The following SCUBE2 variants were observed in gnomAD, a reference collection of about 807,000 sequenced individuals.
SCUBE2 encodes the protein signal peptide, CUB domain and EGF like domain containing 2.
SCUBE2 carries 114 observed loss-of-function variants against 125.9 expected under a neutral mutation model. The observed-to-expected ratio is 0.91, with a 90% CI of 0.78 to 1.06. The LOEUF (loss-of-function observed/expected upper bound fraction) is 1.06, where lower values mean the gene tolerates loss of function less well. SCUBE2 is among the 50% of genes least tolerant of loss of function. The probability of loss-of-function intolerance (pLI) is 0.00; values close to 1 mark genes in which losing one functional copy is unlikely to be tolerated. For missense variants in SCUBE2, 1,255 were observed against 1,301.8 expected, an observed-to-expected ratio of 0.96 and a Z score of 0.55; for synonymous variants, 459 against 492.9, an observed-to-expected ratio of 0.93 and a Z score of 0.91.
intron 12 of SCUBE2, 96 bp downstream of exon 12, chr11:9,053,003 A>T: frequency 8.6e-7 from 1 of 1,156,680 alleles, no homozygotes; most frequent in Non-Finnish European, 1.3e-6. Context: ...CATCTGGCGG[A>T]GGACCTGGAA....
At chr11:9,074,338 C>G in intron 4 of SCUBE2, 143 bp downstream of exon 4, 3 of 981,396 alleles carry the variant, frequency 3.1e-6, no homozygotes, top group South Asian at 3.8e-5. Context: ...CACGGTTACC[C>G]GGCAGTGGAG....
chr11:9,022,437 T>G (rs1347644327), intron 21 of SCUBE2: 1 of 155,986 alleles, frequency 6.4e-6, no homozygotes, highest in Non-Finnish European at 1.4e-5. Context: ...GCAAAAATCC[T>G]TAAAAAAATT....
rs866522137 is a variant in SCUBE2 at position 9,033,529 on chromosome 11, G to A, written c.2173+97C>T. 87 of 1,404,890 alleles carry A rather than the reference G, an allele frequency of 6.2e-5. No homozygotes were observed. The Middle Eastern group carries it at 1.8e-3, about 29-fold the overall frequency. 87.0% of individuals were successfully genotyped at this position (1,404,890 alleles called of 1,614,324 possible). On this transcript the variant is annotated intron_variant, in intron 17 of 22. Coordinates refer to ENST00000649792, the MANE Select transcript of SCUBE2 (RefSeq NM_001367977.2). ...GTGGTCCCTGCTTGTAGGAAGCCCC[G>A]GGTGAGTGTGCATTGTCTGGAGTCC...
At position 9,091,414 on chromosome 11, in the gene SCUBE2, C is replaced by CACGGCCCCGACCCGGCGGG; in HGVS notation, c.96_114dup (p.Ala39ProfsTer16). On this transcript the variant is annotated frameshift_variant, in exon 1 of 23. Transcript: ENST00000649792. LOFTEE classifies it high-confidence loss of function. The surrounding 1 kb of genome is among the most constrained non-coding windows in gnomAD (Gnocchi z 8.5). Reference sequence around the variant, plus strand: ...CACTCACCCTCCTGCGGCCCCGCGGCACGGCCCCGACCCGGCGGGACGGCC... The same window carrying CACGGCCCCGACCCGGCGGG: ...CACTCACCCTCCTGCGGCCCCGCGGCACGGCCCCGACCCGGCGGGACGGCCCCGACCCGGCGGGACGGCC... 7.6e-7 allele frequency: 1 copy of CACGGCCCCGACCCGGCGGG among 1,315,898 alleles called. No individual in the cohort carries two copies. Among genetic ancestry groups the CACGGCCCCGACCCGGCGGG allele is most frequent in the South Asian group, 2.1e-5 (1 of 47,126 alleles). 81.5% of individuals were successfully genotyped at this position (1,315,898 alleles called of 1,614,324 possible).
intron 19 of SCUBE2, among the ~76,000 whole-genome samples, chr11:9,028,026 C>T (rs574111727): frequency 1.2e-4 from 19 of 152,232 alleles, no homozygotes; most frequent in Admixed American, 4.6e-4. Flanking sequence ...GTTAAGACCA[C>T]ATTTTATTTT....
intron 2 of SCUBE2, among the ~76,000 whole-genome samples, chr11:9,080,003 C>G (rs1861512630): frequency 6.6e-6 from 1 of 152,126 alleles, no homozygotes; most frequent in African/African-American, 2.4e-5. Context: ...AGAGCAAAAA[C>G]AATTTTGAAA....
chr11:9,080,609 A>G (rs1861553079), intron 2 of SCUBE2, among the ~76,000 whole-genome samples: 1 of 151,694 alleles, frequency 6.6e-6, no homozygotes, highest in African/African-American at 2.4e-5. Flanking sequence ...AGATGACACC[A>G]CTGCATTCCA....
At chr11:9,066,551 C>G (rs1489543533) in intron 6 of SCUBE2, 146 bp downstream of exon 6, 2 of 675,614 alleles carry the variant, frequency 3.0e-6, no homozygotes, top group Non-Finnish European at 5.2e-6. Flanking sequence ...ACCACTCCCA[C>G]TGTAGCATGC....
chr11:9,085,795 T>G (rs755098258), intron 2 of SCUBE2, among the ~76,000 whole-genome samples: 1 of 151,692 alleles, frequency 6.6e-6, no homozygotes, highest in Non-Finnish European at 1.5e-5. Context: ...AACTTTAGAT[T>G]CATCCCTGTT....
chr11:9,084,831 G>A (rs1199010986), intron 2 of SCUBE2, among the ~76,000 whole-genome samples: 3 of 152,130 alleles, frequency 2.0e-5, no homozygotes, highest in Non-Finnish European at 4.4e-5. Context: ...GCAAACTCCT[G>A]GGCTCAAGTG....
rs1367542498 is a variant in SCUBE2, at chr11:9,049,641, T to A, written c.1639+965A>T. Among the ~76,000 whole-genome samples the A allele has an allele frequency of 3.3e-5, 5 of 152,104 alleles. No individual in the cohort carries two copies. The East Asian group carries it at 9.6e-4, about 29-fold the overall frequency. ...TAATTTGGCAAATGCAGAAAAAAAA[T>A]TAAAATTACCCATGCCTCCCACCCA... On this transcript the variant is annotated intron_variant, in intron 14 of 22. Transcript: ENST00000649792.
chr11:9,070,190 G>T (rs1860647620), intron 4 of SCUBE2, among the ~76,000 whole-genome samples: 1 of 152,172 alleles, frequency 6.6e-6, no homozygotes, highest in African/African-American at 2.4e-5. Context: ...GAGGGAGTGT[G>T]CTCGTGTGTG....
chr11:9,024,005 G>GA (rs1193876018), intron 21 of SCUBE2, among the ~76,000 whole-genome samples: 254 of 140,194 alleles, frequency 1.8e-3, no homozygotes, highest in Middle Eastern at 3.6e-3. Context: ...ATATATGTTT[G>GA]AAAAAAAAAA....
At chr11:9,072,172 G>T (rs1234321718) in intron 4 of SCUBE2, among the ~76,000 whole-genome samples, 1 of 152,072 alleles carries the variant, frequency 6.6e-6, no homozygotes, top group Admixed American at 6.6e-5. Flanking sequence ...CACTTTGAAG[G>T]TATCCACTGT....
At chr11:9,037,662 G>T (rs948771304) in intron 16 of SCUBE2, among the ~76,000 whole-genome samples, 3 of 152,268 alleles carry the variant, frequency 2.0e-5, no homozygotes, top group Admixed American at 1.3e-4. Context: ...GCCCCAGGCA[G>T]AGTTGGCCTC....
chr11:9,062,917 G>C (rs974444527), intron 7 of SCUBE2, among the ~76,000 whole-genome samples: 7 of 152,020 alleles, frequency 4.6e-5, no homozygotes, highest in Non-Finnish European at 8.8e-5. Context: ...GAGTTCCGGA[G>C]GGAAAGAACA....
chr11:9,064,349 C>T (rs1859989455), intron 7 of SCUBE2, among the ~76,000 whole-genome samples: 1 of 151,864 alleles, frequency 6.6e-6, no homozygotes, highest in Non-Finnish European at 1.5e-5. Flanking sequence ...TGCCTGTAGT[C>T]CAGCTACTCA....
intron 13 of SCUBE2, among the ~76,000 whole-genome samples, chr11:9,051,287 T>G (rs888285753): frequency 2.6e-5 from 4 of 152,076 alleles, no homozygotes; most frequent in Non-Finnish European, 5.9e-5. Context: ...AAACTGAGGG[T>G]CAAAAATAGC....
chr11:9,040,826 G>C (rs1857172737), intron 16 of SCUBE2, among the ~76,000 whole-genome samples: 1 of 152,214 alleles, frequency 6.6e-6, no homozygotes. Context: ...TGAAGAGTGG[G>C]CAATTTAAAA....
Sources: gnomAD v4.1 joint callset for allele counts (sites outside exome capture counted in the v4.1 genomes callset) on GRCh38, gnomAD v4.1.1 for gene constraint, Gnocchi (gnomAD v3.1) non-coding constraint, MANE v1.5 for transcripts, NCBI Gene and HGNC (gene_info 2026-07-23, HGNC 2026-07-21) for gene names.